Variants in PRKG1 observed in about 807,000 individuals in gnomAD.
The protein encoded by PRKG1 is cGMP-dependent protein kinase 1.
Under a neutral mutation model 88.1 loss-of-function variants are expected in PRKG1, and 35 were observed. That is an observed-to-expected ratio of 0.40 (90% confidence interval 0.30 to 0.53). PRKG1 has a LOEUF of 0.53. Among genes scored for constraint, PRKG1 ranks in the 20% least tolerant of loss-of-function variants. The pLI is 0.59. For missense variants in PRKG1, 540 were observed against 839.8 expected (o/e 0.64, Z 4.41); for synonymous variants, 303 against 292.5 (o/e 1.04, Z -0.37).
At chr10:51,472,794 T>C (rs976808085) in intron 3 of PRKG1, among the ~76,000 whole-genome samples, 2 of 151,936 alleles carry the variant, frequency 1.3e-5, no homozygotes, top group African/African-American at 4.8e-5. Context: ...ATGCTTGCTG[T>C]GCTATAGCAA....
chr10:51,235,390 G>A (rs923986431), intron 2 of PRKG1, among the ~76,000 whole-genome samples: 3 of 143,910 alleles, frequency 2.1e-5, no homozygotes, highest in Admixed American at 1.4e-4. Flanking sequence ...TCTAAATCAC[G>A]TTACATCTTG....
intron 1 of PRKG1, among the ~76,000 whole-genome samples, chr10:51,126,949 A>G (rs1297621939): frequency 6.6e-6 from 1 of 152,182 alleles, no homozygotes; most frequent in Admixed American, 6.6e-5. Flanking sequence ...TACACCTTGC[A>G]TAAAAATTAA....
intron 3 of PRKG1, among the ~76,000 whole-genome samples, chr10:51,682,888 C>G (rs757701723): frequency 3.3e-5 from 5 of 152,162 alleles, no homozygotes; most frequent in Non-Finnish European, 7.4e-5. Flanking sequence ...AAATGATTAC[C>G]TACCTGTTCC....
intron 3 of PRKG1, among the ~76,000 whole-genome samples, chr10:51,720,358 T>C (rs1841983515): frequency 6.6e-6 from 1 of 152,170 alleles, no homozygotes; most frequent in Non-Finnish European, 1.5e-5. Context: ...AGGGTTATTT[T>C]CACCTCTTAA....
At chr10:52,129,871 A>T (rs1344570061) in intron 7 of PRKG1, among the ~76,000 whole-genome samples, 1 of 152,190 alleles carries the variant, frequency 6.6e-6, no homozygotes, top group Non-Finnish European at 1.5e-5. Context: ...GTTATTCAAC[A>T]TTTTAATGAA....
intron 4 of PRKG1, among the ~76,000 whole-genome samples, chr10:51,879,000 A>G (rs189594247): frequency 6.6e-6 from 1 of 152,304 alleles, no homozygotes; most frequent in East Asian, 1.9e-4. Context: ...TGACCTATCT[A>G]TAACTGTCCA....
At chr10:52,063,319 G>A (rs756614103) in intron 7 of PRKG1, among the ~76,000 whole-genome samples, 5 of 152,186 alleles carry the variant, frequency 3.3e-5, no homozygotes, top group East Asian at 1.9e-4. Context: ...GGCTGCGGCC[G>A]AACCAGGCAC....
chr10:51,453,947 C>T (rs1396900019), intron 2 of PRKG1, among the ~76,000 whole-genome samples: 1 of 151,916 alleles, frequency 6.6e-6, no homozygotes, highest in African/African-American at 2.4e-5. Context: ...TGCTATACAC[C>T]AACAGTGACC....
At chr10:52,034,926 A>G (rs1264725139) in intron 5 of PRKG1, among the ~76,000 whole-genome samples, 1 of 152,174 alleles carries the variant, frequency 6.6e-6, no homozygotes, top group African/African-American at 2.4e-5. Context: ...AAGTGGTAAA[A>G]GTATTGTCCA....
At position 52,068,995 on chromosome 10, in the gene PRKG1, C is replaced by G. The variant is rs567723933; in HGVS notation, c.935+6364C>G. 2.8e-5 allele frequency among the ~76,000 whole-genome samples: 3 copies of G among 105,624 alleles called. No homozygotes were observed. In the East Asian group the frequency reaches 7.4e-4, roughly 26 times the overall value. The allele number at this position is 105,624 out of a possible 152,430, so 69.3% of individuals were successfully genotyped here. A position where few individuals can be genotyped will look rare whatever the true frequency, so the allele number is the denominator to read the frequency against. On this transcript the variant is annotated intron_variant, in intron 7 of 17. Coordinates refer to ENST00000373980, the MANE Select transcript of PRKG1 (RefSeq NM_006258.4). Reference sequence around the variant, plus strand: ...CCAAACCACTGTCAGCAAGGAACTTCCCTCCAAGAACTTTCCCAGCTGTTG... The same window carrying G: ...CCAAACCACTGTCAGCAAGGAACTTGCCTCCAAGAACTTTCCCAGCTGTTG...
intron 9 of PRKG1, among the ~76,000 whole-genome samples, chr10:52,178,326 T>G (rs1175715153): frequency 6.6e-6 from 1 of 152,142 alleles, no homozygotes; most frequent in African/African-American, 2.4e-5. Flanking sequence ...ATGTTCCTCC[T>G]GTTAATTGAT....
At chr10:52,099,680 G>T (rs1904013) in intron 7 of PRKG1, among the ~76,000 whole-genome samples, 20,881 of 152,138 alleles carry the variant, frequency 0.14, 1,990 homozygotes, top group East Asian at 0.31. Flanking sequence ...GTGATACAGG[G>T]TCATCTATAA....
intron 4 of PRKG1, among the ~76,000 whole-genome samples, chr10:51,816,536 C>CGTGT (rs769022267): frequency 0.045 from 4,476 of 98,410 alleles, 91 homozygotes; most frequent in Middle Eastern, 0.063. Flanking sequence ...ATAATTTTGG[C>CGTGT]ATGTGTGTGT....
intron 5 of PRKG1, among the ~76,000 whole-genome samples, chr10:52,016,730 G>C (rs888484023): frequency 1.3e-5 from 2 of 152,290 alleles, no homozygotes; most frequent in South Asian, 4.1e-4. Context: ...GTGAAAAAAA[G>C]AGAGTCCTTG....
At chr10:52,050,667 T>C (rs1845967968) in intron 5 of PRKG1, among the ~76,000 whole-genome samples, 1 of 152,188 alleles carries the variant, frequency 6.6e-6, no homozygotes, top group Non-Finnish European at 1.5e-5. Flanking sequence ...CTGGATTTTA[T>C]GAGCTCATGC....
At chr10:51,003,842 G>A (rs545068501) in intron 1 of PRKG1, among the ~76,000 whole-genome samples, 29 of 152,098 alleles carry the variant, frequency 1.9e-4, no homozygotes, top group African/African-American at 5.3e-4. Flanking sequence ...TCAGTAACCT[G>A]CTCTTTTTGC....
chr10:51,934,885 A>G (rs558636770), intron 5 of PRKG1, among the ~76,000 whole-genome samples: 1 of 152,318 alleles, frequency 6.6e-6, no homozygotes, highest in East Asian at 1.9e-4. Context: ...ATGGATTTCA[A>G]TCAGGTATCA....
intron 2 of PRKG1, among the ~76,000 whole-genome samples, chr10:51,176,680 G>A (rs1056244458): frequency 1.3e-5 from 2 of 152,056 alleles, no homozygotes; most frequent in African/African-American, 4.8e-5. Flanking sequence ...GTGGTGACAG[G>A]GATGCTGATC....
At chr10:52,240,449 A>G (rs1054613578) in intron 9 of PRKG1, among the ~76,000 whole-genome samples, 1 of 152,202 alleles carries the variant, frequency 6.6e-6, no homozygotes, top group African/African-American at 2.4e-5. Context: ...AACGGACCAT[A>G]AGTATAAGCT....
Sources: allele counts gnomAD v4.1 joint callset (sites outside exome capture counted in the v4.1 genomes callset), GRCh38; gene constraint gnomAD v4.1.1; transcripts MANE v1.5; gene names NCBI Gene and HGNC (gene_info 2026-07-23, HGNC 2026-07-21).